Variants in MNX1 observed in about 807,000 individuals in gnomAD.
MNX1 encodes motor neuron and pancreas homeobox 1, also known as motor neuron and pancreas homeobox protein 1.
In MNX1, 2 loss-of-function variants were observed where a neutral mutation model predicts 17.3. That is an observed-to-expected ratio of 0.12 (90% CI 0.05 to 0.36). The LOEUF (loss-of-function observed/expected upper bound fraction) is 0.36. Ranked by LOEUF, MNX1 falls within the 10% of genes least tolerant of loss-of-function variation. MNX1 has a pLI of 1.00. For synonymous variants in MNX1, 306 were observed against 283.1 expected, an observed-to-expected ratio of 1.08 and a Z score of -0.81; for missense variants, 556 against 564.7, an observed-to-expected ratio of 0.98 and a Z score of 0.16.
chr7:157,006,442 G>C lies in MNX1; in HGVS notation c.852+37C>G, dbSNP rs931264771. 6.3e-7 allele frequency: 1 copy of C among 1,598,996 alleles called. No individual in the cohort carries two copies. The highest frequency in any genetic ancestry group is 8.5e-7 in the Non-Finnish European group (1 of 1,174,882). On this transcript the variant is annotated intron_variant, in intron 2 of 2. Coordinates refer to ENST00000252971, the MANE Select transcript of MNX1 (RefSeq NM_005515.4). This position sits in a 1 kb window ranked among gnomAD's most constrained non-coding sequence, Gnocchi z 6.3. ...GTGCAAAGGTAACAGTGTCCCCTGG[G>C]AGGCCGGGATGCGTCGGGGGCGGGG...
chr7:157,006,529 G>A lies in MNX1; in HGVS notation c.802C>T (p.Arg268Trp). ...HQFKLNKYLS[R>W]PKRFEVATSL... Reference sequence around the variant, plus strand: ...GTGGCCACCTCGAAGCGCTTGGGCCGCGACAGGTACTTGTTGAGCTTGAAC... The same window carrying A: ...GTGGCCACCTCGAAGCGCTTGGGCCACGACAGGTACTTGTTGAGCTTGAAC... The change falls in exon 2 of 3, where the codon CGG (arginine) becomes TGG (tryptophan). Residue 268 changes from arginine to tryptophan, a missense_variant. Physicochemically the swap from Arg to Trp is moderately radical, Grantham distance 101. This residue lies in a region of MNX1 where 210 missense variants were observed against 211.3 expected (regional missense o/e 0.99). Coordinates refer to ENST00000252971, the MANE Select transcript of MNX1 (RefSeq NM_005515.4). This position sits in a 1 kb window ranked among gnomAD's most constrained non-coding sequence, Gnocchi z 6.3. 1 of 1,611,102 alleles carries A rather than the reference G, an allele frequency of 6.2e-7. No individual in the cohort carries two copies. The highest frequency in any genetic ancestry group is 8.5e-7 in the Non-Finnish European group (1 of 1,179,310).
Position 157,010,377 on chromosome 7 carries a change from GC to G in MNX1, c.-28del. 1.3e-6 allele frequency: 2 copies of G among 1,554,616 alleles called. No individual in the cohort carries two copies. ...GGCTCGTTTGGGGCTGGCGCTCAGG[GC>G]CCGGTGGCGGGCGACGCGGCCGTGT... On this transcript the variant is annotated 5_prime_UTR_variant, in exon 1 of 3. Transcript: ENST00000252971.
At position 157,005,481 on chromosome 7, in the gene MNX1, G is replaced by A; in HGVS notation, c.*39C>T. Reference sequence around the variant, plus strand: ...CCTCCGGGAGAAGCCGCCGGCCGGGGCGCTCCGTGCGCGCCGCACCTGCTG... The same window carrying A: ...CCTCCGGGAGAAGCCGCCGGCCGGGACGCTCCGTGCGCGCCGCACCTGCTG... On this transcript the variant is annotated 3_prime_UTR_variant, in exon 3 of 3. Transcript: ENST00000252971. 1.6e-6 allele frequency: 2 copies of A among 1,249,230 alleles called. No homozygotes were observed. Among genetic ancestry groups the A allele is most frequent in the African/African-American group, 1.6e-5 (1 of 63,992 alleles). The allele number at this position is 1,249,230 out of a possible 1,614,324, so 77.4% of individuals were successfully genotyped here.
intron 2 of MNX1, 90 bp from the exon 3 acceptor site, chr7:157,005,963 C>T: frequency 1.3e-6 from 2 of 1,489,868 alleles, no homozygotes; most frequent in Admixed American, 1.7e-5. Flanking sequence ...GCCTGGGCCC[C>T]ATTGGGTCGG....
Position 157,010,110 on chromosome 7 carries a change from G to A in MNX1, c.241C>T (p.Pro81Ser). 1 of 989,992 alleles carries A rather than the reference G, an allele frequency of 1.0e-6. No homozygotes were observed. Among genetic ancestry groups the A allele is most frequent in the Non-Finnish European group, 1.2e-6 (1 of 834,666 alleles). 61.3% of individuals were successfully genotyped at this position (989,992 alleles called of 1,614,324 possible). A position where few individuals can be genotyped will look rare whatever the true frequency, so the allele number is the denominator to read the frequency against. The change falls in exon 1 of 3, where the codon CCG becomes TCG. Residue 81 changes from proline (P) to serine (S), a missense_variant. Around this residue, in one of 7 missense-constraint regions of MNX1, gnomAD observed 115 missense variants for 103.5 expected, o/e 1.11. Coordinates refer to ENST00000252971, the MANE Select transcript of MNX1 (RefSeq NM_005515.4). ...GCGCAGTGCGCGGCCAGCAGGCGCG[G>A]CGGCGACGGGCTCTCGGCGCGCAGG... is the stretch of plus-strand genomic sequence containing the variant. ...DRLRAESPSP[P>S]RLLAAHCALL...
At position 157,009,822 on chromosome 7, in the gene MNX1, C is replaced by A. The variant is rs778434757; in HGVS notation, c.529G>T (p.Gly177Cys). ...SAAAAAAALA[G>C]QHPALSYSYP... Reference sequence around the variant, plus strand: ...GAGTAGGAGAGCGCCGGGTGCTGGCCCGCCAGCGCAGCCGCCGCCGCCGCC... The same window carrying A: ...GAGTAGGAGAGCGCCGGGTGCTGGCACGCCAGCGCAGCCGCCGCCGCCGCC... The change falls in exon 1 of 3, where the codon GGC (glycine) becomes TGC (cysteine). Residue 177 changes from glycine to cysteine, a missense_variant. By Grantham distance (159) the Gly-to-Cys change is radical. This residue lies in a region of MNX1 where 210 missense variants were observed against 211.3 expected (regional missense o/e 0.99). Transcript: ENST00000252971. The A allele has an allele frequency of 2.0e-6, 3 of 1,524,600 alleles. No individual in the cohort carries two copies. Among genetic ancestry groups the A allele is most frequent in the Non-Finnish European group, 2.6e-6 (3 of 1,143,804 alleles). 94.4% of individuals were successfully genotyped at this position (1,524,600 alleles called of 1,614,324 possible).
Position 157,006,802 on chromosome 7 carries a change from CG to C in MNX1, c.692-164del, listed in dbSNP as rs1805608840. On this transcript the variant is annotated intron_variant, in intron 1 of 2. Coordinates refer to ENST00000252971, the MANE Select transcript of MNX1 (RefSeq NM_005515.4). The surrounding 1 kb of genome is among the most constrained non-coding windows in gnomAD (Gnocchi z 6.3). ...ATCAGTGCCCACTCCCCAAGGAATG[CG>C]GACTCAGGACCACCAAGTGGAAATG... The C allele has an allele frequency of 4.5e-6, 3 of 668,402 alleles. No individual in the cohort carries two copies. The highest frequency in any genetic ancestry group is 7.3e-6 in the Non-Finnish European group (3 of 412,952). The allele number at this position is 668,402 out of a possible 1,614,324, so 41.4% of individuals were successfully genotyped here.
chr7:157,007,677 C>G (rs574357268), intron 1 of MNX1: 1 of 152,304 alleles, frequency 6.6e-6, no homozygotes, highest in African/African-American at 2.4e-5. Context: ...GACCTCAAAA[C>G]GAGACTTCCC....
At position 157,005,660 on chromosome 7, in the gene MNX1, G is replaced by A. The variant is rs147542338; in HGVS notation, c.1066C>T (p.Pro356Ser). Reference protein sequence around the residue: ...RRLRDLRDSDPEEDEDEDDED... With the variant: ...RRLRDLRDSDSEEDEDEDDED... ...TCGTCCTCGTCCTCGTCCTCCTCGGGGTCACTGTCCCTCAAGTCCCGCAGG... is the reference window on the plus strand; with the variant it reads ...TCGTCCTCGTCCTCGTCCTCCTCGGAGTCACTGTCCCTCAAGTCCCGCAGG... Residue 356 changes from proline (P) to serine (S), a missense_variant, in exon 3 of 3, where the codon CCC becomes TCC. This residue lies in a region of MNX1 where 178 missense variants were observed against 155.2 expected (regional missense o/e 1.15). Transcript: ENST00000252971. 1.4e-4 allele frequency: 222 copies of A among 1,610,738 alleles called. No homozygotes were observed. Among genetic ancestry groups the A allele is most frequent in the Non-Finnish European group, 1.7e-4 (202 of 1,179,276 alleles).
chr7:157,010,195 G>A lies in MNX1; in HGVS notation c.156C>T (p.Gly52=), dbSNP rs988438732. The A allele has an allele frequency of 3.0e-5, 37 of 1,215,652 alleles. No homozygotes were observed. The African/African-American group carries it at 5.1e-4, about 17-fold the overall frequency. 75.3% of individuals were successfully genotyped at this position (1,215,652 alleles called of 1,614,324 possible). ...GGGGGGGGAS[G]GTSGSCSPAS... ...CGGGGCTGCAGCTGCCGCTAGTCCCGCCGCTCGCCCCGCCGCCGCCGCCGC... is the reference window on the plus strand; with the variant it reads ...CGGGGCTGCAGCTGCCGCTAGTCCCACCGCTCGCCCCGCCGCCGCCGCCGC... The change falls in exon 1 of 3, where the codon GGC becomes GGT. Residue 52 remains glycine, a synonymous_variant. Transcript: ENST00000252971.
chr7:157,005,743 G>A lies in MNX1; in HGVS notation c.983C>T (p.Pro328Leu), dbSNP rs996422210. The A allele has an allele frequency of 6.2e-7, 1 of 1,609,004 alleles. No homozygotes were observed. The stretch of plus-strand genomic sequence containing the variant: ...CGGCCCCAGCAGCTCCTCGGCTCCC[G>A]GCTCCTCCGCGCCGCCCTTCCCCGC... ...GGAGKGGAEE[P>L]GAEELLGPPA... The change falls in exon 3 of 3, where the codon CCG becomes CTG. Residue 328 changes from proline (P) to leucine (L), a missense_variant. Physicochemically the swap from Pro to Leu is moderately conservative, Grantham distance 98. Transcript: ENST00000252971.
At chr7:157,007,807 G>C (rs1010701186) in intron 1 of MNX1, 1 of 152,276 alleles carries the variant, frequency 6.6e-6, no homozygotes, top group Non-Finnish European at 1.5e-5. Context: ...GTTTGCTTTA[G>C]AGGATGGCCC....
chr7:157,005,424 G>GGGGCC lies in MNX1; in HGVS notation c.*91_*95dup. On this transcript the variant is annotated 3_prime_UTR_variant, in exon 3 of 3. Coordinates refer to ENST00000252971, the MANE Select transcript of MNX1 (RefSeq NM_005515.4). ...TGGGGCGGCGGTCGAGCCTGCTCTC[G>GGGGCC]GGGCCGGGCCGGGTGGGTGCGGGCG... 7.7e-6 allele frequency: 7 copies of GGGGCC among 914,744 alleles called. No homozygotes were observed. The highest frequency in any genetic ancestry group is 9.8e-6 in the Non-Finnish European group (7 of 717,314). The allele number at this position is 914,744 out of a possible 1,614,324, so 56.7% of individuals were successfully genotyped here.
intron 1 of MNX1, chr7:157,009,217 C>G (rs987510007): frequency 5.5e-6 from 8 of 1,443,190 alleles, no homozygotes; most frequent in Non-Finnish European, 7.3e-6. Context: ...CTGAAGCACT[C>G]CCTCTCCCTG....
chr7:157,005,735 C>T lies in MNX1; in HGVS notation c.991G>A (p.Glu331Lys), dbSNP rs1805584043. 3 of 1,608,902 alleles carry T rather than the reference C, an allele frequency of 1.9e-6. No homozygotes were observed. Among genetic ancestry groups the T allele is most frequent in the South Asian group, 1.1e-5 (1 of 90,956 alleles). The part of the protein sequence containing the change: ...GKGGAEEPGA[E>K]ELLGPPAPGD... ...GGCGCTGGCGGCCCCAGCAGCTCCT[C>T]GGCTCCCGGCTCCTCCGCGCCGCCC... The change falls in exon 3 of 3, where the codon GAG becomes AAG. Residue 331 changes from glutamate (E) to lysine (K), a missense_variant. Around this residue, in one of 7 missense-constraint regions of MNX1, gnomAD observed 178 missense variants for 155.2 expected, o/e 1.15. Coordinates refer to ENST00000252971, the MANE Select transcript of MNX1 (RefSeq NM_005515.4).
chr7:157,009,923 G>T lies in MNX1; in HGVS notation c.428C>A (p.Pro143His). The T allele has an allele frequency of 1.6e-6, 2 of 1,237,810 alleles. No individual in the cohort carries two copies. The highest frequency in any genetic ancestry group is 2.0e-6 in the Non-Finnish European group (2 of 993,476). 76.7% of individuals were successfully genotyped at this position (1,237,810 alleles called of 1,614,324 possible). Residue 143 changes from proline to histidine, a missense_variant, in exon 1 of 3, where the codon CCT becomes CAT. Physicochemically the swap from Pro to His is moderately conservative, Grantham distance 77 (BLOSUM62 -2). Transcript: ENST00000252971. ...GCCCGCGCCGCCCTGCGCGCCCCCAGGGTGCAGCCCCAGCGCCAGGCCCCC... is the reference window on the plus strand; with the variant it reads ...GCCCGCGCCGCCCTGCGCGCCCCCATGGTGCAGCCCCAGCGCCAGGCCCCC... Reference protein sequence around the residue: ...AAGGLALGLHPGGAQGGAGLP... With the variant: ...AAGGLALGLHHGGAQGGAGLP...
chr7:157,006,017 G>T lies in MNX1; in HGVS notation c.853-144C>A. On this transcript the variant is annotated intron_variant, in intron 2 of 2. Coordinates refer to ENST00000252971, the MANE Select transcript of MNX1 (RefSeq NM_005515.4). The surrounding 1 kb of genome is among the most constrained non-coding windows in gnomAD (Gnocchi z 6.3). ...GTGAGACGACTTAGAAGCAGAATGG[G>T]GAGGGGGCTCGTAGCTTCCTCCTCC... The T allele has an allele frequency of 2.4e-6, 2 of 846,720 alleles. No homozygotes were observed. The highest frequency in any genetic ancestry group is 3.7e-6 in the Non-Finnish European group (2 of 545,530). 52.5% of individuals were successfully genotyped at this position (846,720 alleles called of 1,614,324 possible).
chr7:157,009,763 G>A lies in MNX1; in HGVS notation c.588C>T (p.His196=), dbSNP rs763439508. ...CGCCCAGCTTGATGGGGTCGGCGGG[G>A]TGCGCGGGGTGCGCGCCTTGCACCT... is the stretch of plus-strand genomic sequence containing the variant. The part of the protein sequence containing the change: ...YPQVQGAHPA[H]PADPIKLGAG... Residue 196 remains histidine, a synonymous_variant, in exon 1 of 3, where the codon CAC becomes CAT. Transcript: ENST00000252971. 2.5e-6 allele frequency: 4 copies of A among 1,599,038 alleles called. No homozygotes were observed.
Position 157,010,491 on chromosome 7 carries a change from C to G in MNX1, c.-141G>C, listed in dbSNP as rs1420755393. The G allele has an allele frequency of 7.3e-6, 4 of 548,526 alleles. No individual in the cohort carries two copies. Among genetic ancestry groups the G allele is most frequent in the Non-Finnish European group, 1.2e-5 (4 of 338,154 alleles). The allele number at this position is 548,526 out of a possible 1,614,324, so 34.0% of individuals were successfully genotyped here. A position where few individuals can be genotyped will look rare whatever the true frequency, so the allele number is the denominator to read the frequency against. Reference sequence around the variant, plus strand: ...ATTTGCCAATAATCAAAGTCGCCGCCGGAAACTCAGCCGAGGGTGACCATG... The same window carrying G: ...ATTTGCCAATAATCAAAGTCGCCGCGGGAAACTCAGCCGAGGGTGACCATG... On this transcript the variant is annotated 5_prime_UTR_variant, in exon 1 of 3. Coordinates refer to ENST00000252971, the MANE Select transcript of MNX1 (RefSeq NM_005515.4).
Sources: allele counts gnomAD v4.1 joint callset, GRCh38; gene constraint gnomAD v4.1.1; regional missense constraint gnomAD v4.1.1; non-coding constraint Gnocchi (gnomAD v3.1); transcripts MANE v1.5; gene names NCBI Gene and HGNC (gene_info 2026-07-23, HGNC 2026-07-21).